TLK1: variants seen among roughly 807,000 people sequenced by gnomAD.
The protein encoded by TLK1 is serine/threonine-protein kinase tousled-like 1.
Under a neutral mutation model 105.3 loss-of-function variants are expected in TLK1, and 24 were observed. The observed-to-expected ratio is 0.23, with a 90% confidence interval of 0.17 to 0.32. The LOEUF (loss-of-function observed/expected upper bound fraction) is 0.32, where lower values mean the gene tolerates loss of function less well. Among genes scored for constraint, TLK1 ranks in the 10% least tolerant of loss-of-function variants. The pLI is 1.00. For missense variants in TLK1, 558 were observed against 910.5 expected, an observed-to-expected ratio of 0.61 and a Z score of 4.98; for synonymous variants, 321 against 310.4, an observed-to-expected ratio of 1.03 and a Z score of -0.36.
intron 3 of TLK1, among the ~76,000 whole-genome samples, chr2:171,078,729 T>C (rs758989381): frequency 1.3e-5 from 2 of 152,198 alleles, no homozygotes; most frequent in Non-Finnish European, 2.9e-5. Context: ...ACAGCAAACT[T>C]GAAAATACTA....
rs117498658 is a variant in TLK1, at chr2:171,205,711, G to A, written c.-6+25434C>T. Among the ~76,000 whole-genome samples, 16 of 152,238 alleles carry A rather than the reference G, an allele frequency of 1.1e-4. No homozygotes were observed. In the East Asian group the frequency reaches 1.7e-3, roughly 17 times the overall value. On this transcript the variant is annotated intron_variant, in intron 1 of 20. Coordinates refer to the TLK1 transcript ENST00000521943. ...TTTTTATTGCTGTTGGGTGGAGAGCGGCATGTTCACACTTGGTAACAGCTG... is the reference window on the plus strand; with the variant it reads ...TTTTTATTGCTGTTGGGTGGAGAGCAGCATGTTCACACTTGGTAACAGCTG...
At chr2:171,208,785 C>T (rs1693555662) in intron 1 of TLK1, among the ~76,000 whole-genome samples, 1 of 152,194 alleles carries the variant, frequency 6.6e-6, no homozygotes, top group Non-Finnish European at 1.5e-5. Flanking sequence ...CTGTTCCCTG[C>T]AGGTGGGACT....
At chr2:171,145,629 G>C (rs983892530) in intron 1 of TLK1, among the ~76,000 whole-genome samples, 1 of 151,204 alleles carries the variant, frequency 6.6e-6, no homozygotes, top group Non-Finnish European at 1.5e-5. Context: ...TGTATGAAGA[G>C]ACAGGTATAA....
chr2:171,039,348 C>G (rs1686538140), intron 11 of TLK1, among the ~76,000 whole-genome samples: 1 of 152,230 alleles, frequency 6.6e-6, no homozygotes, highest in Non-Finnish European at 1.5e-5. Flanking sequence ...TCACTGCAGC[C>G]TTGGCCTCCC....
At chr2:171,027,544 C>T (rs1035176137) in intron 12 of TLK1, among the ~76,000 whole-genome samples, 10 of 152,170 alleles carry the variant, frequency 6.6e-5, no homozygotes, top group African/African-American at 2.4e-4. Flanking sequence ...TTTATACTAT[C>T]ACTAAGTGCT....
chr2:171,158,457 A>C (rs1270757269), intron 1 of TLK1, among the ~76,000 whole-genome samples: 9 of 152,266 alleles, frequency 5.9e-5, no homozygotes, highest in Non-Finnish European at 1.3e-4. Flanking sequence ...AAGTAACCTC[A>C]GAAACTCACA....
chr2:171,220,700 A>G (rs1016282353), intron 1 of TLK1, among the ~76,000 whole-genome samples: 5 of 152,058 alleles, frequency 3.3e-5, no homozygotes, highest in Non-Finnish European at 7.4e-5. Flanking sequence ...TCACCCATAC[A>G]ACTATGAAGA....
chr2:171,037,633 T>C (rs1353914721), intron 11 of TLK1, among the ~76,000 whole-genome samples: 1 of 152,206 alleles, frequency 6.6e-6, no homozygotes, highest in African/African-American at 2.4e-5. Context: ...GATAGTCATA[T>C]GATTTTTCTA....
chr2:171,201,927 A>G (rs1396227125), intron 1 of TLK1, among the ~76,000 whole-genome samples: 5 of 152,014 alleles, frequency 3.3e-5, no homozygotes, highest in Middle Eastern at 6.8e-3. Context: ...CTATCTATCT[A>G]TCTATCTATC....
chr2:171,134,716 C>T, intron 1 of TLK1, among the ~76,000 whole-genome samples: 1 of 141,566 alleles, frequency 7.1e-6, no homozygotes, highest in Admixed American at 7.1e-5. Context: ...CAATGTAATA[C>T]TATTTGGCCT....
At chr2:171,127,025 C>T (rs1690894877) in intron 1 of TLK1, among the ~76,000 whole-genome samples, 1 of 151,822 alleles carries the variant, frequency 6.6e-6, no homozygotes, top group Non-Finnish European at 1.5e-5. Flanking sequence ...CCTGTAATCC[C>T]AGCACTTTGG....
intron 2 of TLK1, among the ~76,000 whole-genome samples, chr2:171,102,550 C>T (rs1168193254): frequency 6.6e-6 from 1 of 152,088 alleles, no homozygotes; most frequent in African/African-American, 2.4e-5. Flanking sequence ...GCGAAACAGG[C>T]TTAGGGTAAA....
At chr2:171,171,898 T>C (rs1342338266) in intron 1 of TLK1, among the ~76,000 whole-genome samples, 1 of 152,210 alleles carries the variant, frequency 6.6e-6, no homozygotes, top group East Asian at 1.9e-4. Context: ...ATATCTGTGA[T>C]CCATCAATTT....
intron 1 of TLK1, chr2:171,154,019 C>T (rs889341826): frequency 1.3e-5 from 2 of 152,192 alleles, no homozygotes; most frequent in African/African-American, 4.8e-5. Context: ...ATCCTCCCAC[C>T]TCAGCCTCCC....
chr2:171,095,737 T>C (rs752691347), intron 2 of TLK1, among the ~76,000 whole-genome samples: 4 of 152,068 alleles, frequency 2.6e-5, no homozygotes, highest in Non-Finnish European at 4.4e-5. Context: ...AAAAATCTTA[T>C]GATCATCTCA....
chr2:171,078,598 C>T (rs1688616249), intron 3 of TLK1, among the ~76,000 whole-genome samples: 1 of 152,060 alleles, frequency 6.6e-6, no homozygotes, highest in Non-Finnish European at 1.5e-5. Flanking sequence ...AAATTCTACC[C>T]CAGACCTACC....
chr2:171,150,050 A>G (rs555996583), intron 1 of TLK1, among the ~76,000 whole-genome samples: 2 of 152,370 alleles, frequency 1.3e-5, no homozygotes, highest in East Asian at 3.9e-4. Flanking sequence ...ATATTTGCTC[A>G]GTGTCAAGTC....
At chr2:171,012,931 G>GT (rs1478372020) in intron 13 of TLK1, among the ~76,000 whole-genome samples, 4 of 151,976 alleles carry the variant, frequency 2.6e-5, no homozygotes, top group Admixed American at 1.3e-4. Flanking sequence ...TTTCATCAAT[G>GT]TAAGTCAGAT....
chr2:171,156,634 G>A (rs1300336152), intron 1 of TLK1, among the ~76,000 whole-genome samples: 2 of 152,174 alleles, frequency 1.3e-5, no homozygotes, highest in East Asian at 1.9e-4. Context: ...CTATTCATGA[G>A]CTAGAATCCT....
Sources: gnomAD v4.1 joint callset for allele counts (sites outside exome capture counted in the v4.1 genomes callset) on GRCh38, gnomAD v4.1.1 for gene constraint, MANE v1.5 for transcripts, NCBI Gene and HGNC (gene_info 2026-07-23, HGNC 2026-07-21) for gene names.